The following CC2D2A variants were observed in gnomAD, a reference collection of about 807,000 sequenced individuals.
CC2D2A encodes the protein coiled-coil and C2 domain containing 2A.
CC2D2A carries 155 observed loss-of-function variants against 212.9 expected under a neutral mutation model. The observed-to-expected ratio is 0.73, with a 90% CI of 0.64 to 0.83. CC2D2A has a LOEUF of 0.83. Ranked by LOEUF, CC2D2A falls within the 40% of genes least tolerant of loss-of-function variation. The pLI, the probability that CC2D2A is intolerant of heterozygous loss-of-function variation, is 0.00. For synonymous variants in CC2D2A, 667 were observed against 686.5 expected, an observed-to-expected ratio of 0.97 and a Z score of 0.44; for missense variants, 1,856 against 1,956.2, an observed-to-expected ratio of 0.95 and a Z score of 0.97.
chr4:15,483,919 A>G (rs1241794593), intron 4 of CC2D2A, among the ~76,000 whole-genome samples: 1 of 152,190 alleles, frequency 6.6e-6, no homozygotes, highest in Non-Finnish European at 1.5e-5. Context: ...TGGCTTAGAC[A>G]AGAGTGGGTA....
chr4:15,563,741 C>T lies in CC2D2A; in HGVS notation c.3182+219C>T, dbSNP rs1357982937. 3.1e-5 allele frequency: 17 copies of T among 550,158 alleles called. No homozygotes were observed. The East Asian group carries it at 3.6e-4, about 12-fold the overall frequency. The allele number at this position is 550,158 out of a possible 1,614,324, so 34.1% of individuals were successfully genotyped here. On this transcript the variant is annotated intron_variant, in intron 24 of 36. Coordinates refer to ENST00000424120, the MANE Select transcript of CC2D2A (RefSeq NM_001378615.1). The stretch of plus-strand genomic sequence containing the variant: ...TTTATTAAGAACATCTCAAATAACT[C>T]GGACAAGAGGTATAGCTGAATTACA...
chr4:15,601,415 G>T lies in CC2D2A; in HGVS notation c.4853G>T (p.Arg1618Leu). 6.8e-7 allele frequency: 1 copy of T among 1,475,334 alleles called. No homozygotes were observed. The highest frequency in any genetic ancestry group is 9.0e-7 in the Non-Finnish European group (1 of 1,108,424). The allele number at this position is 1,475,334 out of a possible 1,614,324, so 91.4% of individuals were successfully genotyped here. The stretch of plus-strand genomic sequence containing the variant: ...TGGATCTATGTTGCCTCTCTTATAC[G>T]CAACAGGTAATTTTTTTCACTGTAC... ...SVWIYVASLI[R>L]NR The change falls in exon 37 of 37, where the codon CGC becomes CTC. Residue 1618 changes from arginine to leucine, a missense_variant. Physicochemically the swap from Arg to Leu is moderately radical, Grantham distance 102. Coordinates refer to ENST00000424120, the MANE Select transcript of CC2D2A (RefSeq NM_001378615.1).
intron 16 of CC2D2A, among the ~76,000 whole-genome samples, chr4:15,539,102 G>C (rs1386746698): frequency 2.0e-5 from 3 of 151,982 alleles, no homozygotes; most frequent in Admixed American, 6.6e-5. Context: ...GTTTAAGAAA[G>C]ATTAATAAAA....
At chr4:15,534,631 A>G (rs1361148291) in intron 14 of CC2D2A, among the ~76,000 whole-genome samples, 2 of 152,218 alleles carry the variant, frequency 1.3e-5, no homozygotes, top group African/African-American at 2.4e-5. Context: ...TAAGTGTTGT[A>G]CCCATATACT....
At chr4:15,590,245 TG>T (rs1279615689) in intron 33 of CC2D2A, among the ~76,000 whole-genome samples, 2 of 152,208 alleles carry the variant, frequency 1.3e-5, no homozygotes, top group African/African-American at 4.8e-5. Flanking sequence ...CTGGGCGCTG[TG>T]GCTCATGCCT....
chr4:15,490,087 C>T (rs566229023), intron 4 of CC2D2A, among the ~76,000 whole-genome samples: 11 of 152,286 alleles, frequency 7.2e-5, no homozygotes, highest in East Asian at 1.9e-4. Context: ...TATGCAACCG[C>T]GTACTCAACA....
intron 14 of CC2D2A, among the ~76,000 whole-genome samples, chr4:15,535,008 A>G (rs1718050865): frequency 6.6e-6 from 1 of 152,080 alleles, no homozygotes; most frequent in South Asian, 2.1e-4. Flanking sequence ...TAAAATTGAA[A>G]AAAAAAAGGT....
At chr4:15,572,793 C>T (rs549925199) in intron 28 of CC2D2A, among the ~76,000 whole-genome samples, 3 of 152,146 alleles carry the variant, frequency 2.0e-5, no homozygotes, top group South Asian at 4.2e-4. Flanking sequence ...GAAGCCAATC[C>T]GAGTCCCAAA....
intron 11 of CC2D2A, among the ~76,000 whole-genome samples, chr4:15,524,455 T>TC (rs1421037804): frequency 5.6e-5 from 8 of 143,406 alleles, no homozygotes; most frequent in African/African-American, 2.1e-4. Flanking sequence ...TAATTTTTTT[T>TC]TTTTTTTTTT....
intron 6 of CC2D2A, among the ~76,000 whole-genome samples, chr4:15,505,958 A>G (rs1389476188): frequency 6.6e-6 from 1 of 152,186 alleles, no homozygotes; most frequent in African/African-American, 2.4e-5. Flanking sequence ...GAGCTAATAT[A>G]TTTTGTAATT....
At chr4:15,578,059 T>C (rs752639253) in intron 29 of CC2D2A, among the ~76,000 whole-genome samples, 93 of 152,220 alleles carry the variant, frequency 6.1e-4, no homozygotes, top group Non-Finnish European at 1.0e-3. Context: ...ACAATTACAA[T>C]TACTCCTGGA....
intron 19 of CC2D2A, among the ~76,000 whole-genome samples, chr4:15,553,624 G>T (rs1332673187): frequency 1.3e-5 from 2 of 152,190 alleles, no homozygotes; most frequent in Non-Finnish European, 2.9e-5. Flanking sequence ...CAGCATCACA[G>T]TTGTATATAT....
chr4:15,586,052 T>C, intron 30 of CC2D2A, 105 bp from the exon 31 acceptor site: 2 of 733,796 alleles, frequency 2.7e-6, no homozygotes, highest in South Asian at 2.0e-5. Context: ...TTTCATTTTG[T>C]ACATGTAAAT....
intron 4 of CC2D2A, among the ~76,000 whole-genome samples, chr4:15,501,599 C>G (rs1052892800): frequency 1.3e-5 from 2 of 152,170 alleles, no homozygotes; most frequent in African/African-American, 4.8e-5. Flanking sequence ...TGCTAACATT[C>G]TGTTCCCCAA....
intron 11 of CC2D2A, among the ~76,000 whole-genome samples, chr4:15,526,060 T>C (rs1440662964): frequency 4.6e-5 from 7 of 152,216 alleles, no homozygotes; most frequent in Non-Finnish European, 1.0e-4. Flanking sequence ...CTTATAATCA[T>C]AGGACTCTAA....
At chr4:15,526,774 A>T (rs775262954) in intron 11 of CC2D2A, among the ~76,000 whole-genome samples, 2 of 152,226 alleles carry the variant, frequency 1.3e-5, no homozygotes, top group African/African-American at 2.4e-5. Context: ...CAAAGTAAAT[A>T]TCTTGAGGAT....
At chr4:15,590,891 C>T (rs1019585367) in intron 33 of CC2D2A, among the ~76,000 whole-genome samples, 1 of 152,110 alleles carries the variant, frequency 6.6e-6, no homozygotes, top group Non-Finnish European at 1.5e-5. Context: ...CACGTGCCAC[C>T]TTGCCTGGCT....
intron 30 of CC2D2A, 94 bp downstream of exon 30, chr4:15,580,265 A>G: frequency 2.3e-6 from 2 of 862,986 alleles, no homozygotes; most frequent in Middle Eastern, 2.3e-4. Context: ...AGTGCTTAAG[A>G]TGTTAACTAT....
intron 33 of CC2D2A, among the ~76,000 whole-genome samples, chr4:15,592,240 G>A (rs1721138710): frequency 6.6e-6 from 1 of 151,932 alleles, no homozygotes; most frequent in African/African-American, 2.4e-5. Flanking sequence ...ACGCTCAGGG[G>A]TCCAACAATT....
Sources: gnomAD v4.1 joint callset for allele counts (sites outside exome capture counted in the v4.1 genomes callset) on GRCh38, gnomAD v4.1.1 for gene constraint, MANE v1.5 for transcripts, NCBI Gene and HGNC (gene_info 2026-07-23, HGNC 2026-07-21) for gene names.